FGF12: variants seen among roughly 807,000 people sequenced by gnomAD.
FGF12 encodes the protein fibroblast growth factor 12B.
Under a neutral mutation model 23.6 loss-of-function variants are expected in FGF12, and 14 were observed. That is an observed-to-expected ratio of 0.59 (90% CI 0.39 to 0.93). The LOEUF (loss-of-function observed/expected upper bound fraction) is 0.93, where lower values mean the gene tolerates loss of function less well. FGF12 is among the 40% of genes least tolerant of loss of function. FGF12 has a pLI of 0.00. For synonymous variants in FGF12, 62 were observed against 77.3 expected, an observed-to-expected ratio of 0.80 and a Z score of 1.04; for missense variants, 175 against 217.8, an observed-to-expected ratio of 0.80 and a Z score of 1.24.
intron 2 of FGF12, among the ~76,000 whole-genome samples, chr3:192,494,815 C>T (rs563063736): frequency 9.3e-5 from 14 of 150,652 alleles, no homozygotes; most frequent in Non-Finnish European, 1.5e-4. Flanking sequence ...CTTGAAAGTG[C>T]TGTGGGAAGA....
intron 2 of FGF12, among the ~76,000 whole-genome samples, chr3:192,660,296 T>G (rs13060990): frequency 7.1e-6 from 1 of 140,380 alleles, no homozygotes; most frequent in South Asian, 2.3e-4. Flanking sequence ...CACTCATAGG[T>G]GGGAATTGAA....
intron 2 of FGF12, among the ~76,000 whole-genome samples, chr3:192,712,390 G>T (rs1349063723): frequency 6.6e-6 from 1 of 151,692 alleles, no homozygotes. Context: ...TTAAAGAAGA[G>T]TTTCCACAGT....
At chr3:192,581,216 T>C (rs1713121365) in intron 2 of FGF12, among the ~76,000 whole-genome samples, 1 of 151,922 alleles carries the variant, frequency 6.6e-6, no homozygotes, top group African/African-American at 2.4e-5. Context: ...TATTACTAAA[T>C]AAATAAAGTA....
intron 2 of FGF12, among the ~76,000 whole-genome samples, chr3:192,632,495 G>T (rs1454023286): frequency 1.3e-5 from 2 of 152,134 alleles, no homozygotes; most frequent in Non-Finnish European, 2.9e-5. Flanking sequence ...ACTAAATATT[G>T]CTAATTCTAC....
chr3:192,211,446 A>G (rs1717922487), intron 4 of FGF12, among the ~76,000 whole-genome samples: 1 of 152,026 alleles, frequency 6.6e-6, no homozygotes, highest in East Asian at 1.9e-4. Flanking sequence ...TTTTTTTGAG[A>G]CGGACCCTCG....
intron 4 of FGF12, among the ~76,000 whole-genome samples, chr3:192,186,608 C>CGT (rs375093076): frequency 6.6e-6 from 1 of 151,766 alleles, no homozygotes; most frequent in African/African-American, 2.4e-5. Context: ...TTTGTGTGTG[C>CGT]GTGTGTGTGT....
At chr3:192,454,595 T>C (rs933139729) in intron 2 of FGF12, among the ~76,000 whole-genome samples, 2 of 152,202 alleles carry the variant, frequency 1.3e-5, no homozygotes, top group East Asian at 1.9e-4. Flanking sequence ...AACCTTGTAG[T>C]CTGATAAACA....
intron 2 of FGF12, among the ~76,000 whole-genome samples, chr3:192,709,849 T>A (rs1057090847): frequency 6.6e-6 from 1 of 152,222 alleles, no homozygotes; most frequent in African/African-American, 2.4e-5. Flanking sequence ...TATTGCATCT[T>A]GAACACTGGT....
intron 2 of FGF12, among the ~76,000 whole-genome samples, chr3:192,702,684 C>T (rs559450474): frequency 9.2e-5 from 14 of 152,078 alleles, no homozygotes; most frequent in South Asian, 8.3e-4. Flanking sequence ...CCTAGCTACT[C>T]GGGAGGCTGA....
chr3:192,581,520 T>C (rs1713158181), intron 2 of FGF12, among the ~76,000 whole-genome samples: 1 of 148,992 alleles, frequency 6.7e-6, no homozygotes, highest in Non-Finnish European at 1.5e-5. Context: ...ACAGGAAGAA[T>C]ACATGCAAAA....
intron 2 of FGF12, among the ~76,000 whole-genome samples, chr3:192,566,438 C>T (rs893255549): frequency 1.3e-5 from 2 of 152,100 alleles, no homozygotes; most frequent in African/African-American, 4.8e-5. Flanking sequence ...AGCCATAAGG[C>T]TGGAGAGTAT....
In FGF12 at chr3:192,145,307, A is replaced by C. The variant is rs115293630; in HGVS notation, c.428-1180T>G. 8.5e-3 allele frequency among the ~76,000 whole-genome samples: 1,302 copies of C among 152,366 alleles called. 21 individuals carry two copies. The highest frequency in any genetic ancestry group is 0.03 in the African/African-American group (1,251 of 41,578). ...AATAACAGATCTTCAGAGAATATAGAAATAAATTGTTTTGGCTGAAAGTAT... is the reference window on the plus strand; with the variant it reads ...AATAACAGATCTTCAGAGAATATAGCAATAAATTGTTTTGGCTGAAAGTAT... On this transcript the variant is annotated intron_variant, in intron 5 of 5. Transcript: ENST00000445105.
intron 2 of FGF12, among the ~76,000 whole-genome samples, chr3:192,583,086 T>G (rs1713227761): frequency 6.6e-6 from 1 of 152,202 alleles, no homozygotes; most frequent in Non-Finnish European, 1.5e-5. Context: ...AAGAGATCCT[T>G]AGTTCTCATT....
chr3:192,702,059 GTCTAT>G lies in FGF12; in HGVS notation c.13+25117_13+25121del, dbSNP rs1213809716. Among the ~76,000 whole-genome samples, 3 of 152,176 alleles carry G rather than the reference GTCTAT, an allele frequency of 2.0e-5. No homozygotes were observed. The East Asian group carries it at 5.8e-4, about 29-fold the overall frequency. On this transcript the variant is annotated intron_variant, in intron 2 of 5. Coordinates refer to ENST00000445105, the MANE Select transcript of FGF12 (RefSeq NM_004113.6). ...ATAACCTGGTAACCACCATTCTACT[GTCTAT>G]TTCTATGTATTCGACTTTTTAAAAA...
intron 2 of FGF12, among the ~76,000 whole-genome samples, chr3:192,385,567 A>G (rs919419923): frequency 1.5e-4 from 22 of 151,180 alleles, no homozygotes; most frequent in African/African-American, 5.3e-4. Flanking sequence ...CACCCCCCCC[A>G]GCTCATAGTT....
intron 3 of FGF12, among the ~76,000 whole-genome samples, 189 bp from the exon 4 acceptor site, chr3:192,335,653 G>T (rs1033153400): frequency 5.3e-5 from 8 of 152,088 alleles, no homozygotes; most frequent in African/African-American, 1.9e-4. Flanking sequence ...AATTACCTAT[G>T]TAACTTCAGG....
At chr3:192,173,509 AATATTAAGTTCTGT>A (rs1715687710) in intron 4 of FGF12, among the ~76,000 whole-genome samples, 2 of 139,308 alleles carry the variant, frequency 1.4e-5, no homozygotes, top group Non-Finnish European at 3.3e-5. Context: ...TATAGATGAT[AATATTAAGTTCTGT>A]TTTTTTCCTA....
At position 192,606,326 on chromosome 3, in the gene FGF12, C is replaced by T. The variant is rs1714335353; in HGVS notation, c.13+120855G>A. Among the ~76,000 whole-genome samples the T allele has an allele frequency of 2.6e-5, 4 of 152,088 alleles. No homozygotes were observed. In the South Asian group the frequency reaches 8.3e-4, roughly 32 times the overall value. On this transcript the variant is annotated intron_variant, in intron 2 of 5. Transcript: ENST00000445105. ...ACAAATGGGAGCTAAACATTGGGTG[C>T]TCATGGACATATAGACGGCCGTAAC...
chr3:192,346,763 G>A (rs1261132945), intron 3 of FGF12, among the ~76,000 whole-genome samples: 1 of 152,124 alleles, frequency 6.6e-6, no homozygotes, highest in African/African-American at 2.4e-5. Flanking sequence ...AACAATGAAT[G>A]TTGTGAGAAT....
Sources: allele counts gnomAD v4.1 joint callset (sites outside exome capture counted in the v4.1 genomes callset), GRCh38; gene constraint gnomAD v4.1.1; transcripts MANE v1.5; gene names NCBI Gene and HGNC (gene_info 2026-07-23, HGNC 2026-07-21).